UGGT2: variants seen among roughly 807,000 people sequenced by gnomAD.
The protein encoded by UGGT2 is UDP-glucose:glycoprotein glucosyltransferase 2.
In UGGT2, 180 loss-of-function variants were observed where a neutral mutation model predicts 192.1. The observed-to-expected ratio is 0.94, with a 90% CI of 0.83 to 1.06. UGGT2 has a LOEUF of 1.06. UGGT2 is among the 50% of genes least tolerant of loss of function. The probability of loss-of-function intolerance (pLI) is 0.00; values close to 1 mark genes in which losing one functional copy is unlikely to be tolerated. For missense variants in UGGT2, 1,849 were observed against 1,795.7 expected (o/e 1.03, Z -0.54); for synonymous variants, 580 against 591.0 (o/e 0.98, Z 0.27).
intron 38 of UGGT2, among the ~76,000 whole-genome samples, chr13:95,807,376 A>C (rs1387484623): frequency 6.6e-6 from 1 of 152,132 alleles, no homozygotes; most frequent in African/African-American, 2.4e-5. Context: ...AGGCACACTC[A>C]GTGTAACTTC....
At chr13:95,980,008 G>A (rs959761384) in intron 10 of UGGT2, among the ~76,000 whole-genome samples, 3 of 152,160 alleles carry the variant, frequency 2.0e-5, no homozygotes, top group African/African-American at 4.8e-5. Flanking sequence ...ATGTTGGCAC[G>A]GATGTGGTGA....
At chr13:95,822,169 C>T (rs1293959290) in intron 38 of UGGT2, among the ~76,000 whole-genome samples, 1 of 152,100 alleles carries the variant, frequency 6.6e-6, no homozygotes, top group Non-Finnish European at 1.5e-5. Flanking sequence ...GTCATTTTCA[C>T]AATATTGATT....
At chr13:95,923,232 A>C (rs1285903017) in intron 20 of UGGT2, among the ~76,000 whole-genome samples, 1 of 152,024 alleles carries the variant, frequency 6.6e-6, no homozygotes. Context: ...TTTTTAAAAA[A>C]ATTTTTTTTA....
At position 95,877,854 on chromosome 13, in the gene UGGT2, A is replaced by T; in HGVS notation, c.3231T>A (p.Thr1077=). The T allele has an allele frequency of 1.9e-6, 3 of 1,611,668 alleles. No homozygotes were observed. Among genetic ancestry groups the T allele is most frequent in the Non-Finnish European group, 2.5e-6 (3 of 1,179,156 alleles). ...CDLDNIHLKD[T]EKTVTAEYEL... is the part of the protein sequence containing the mutation. ...CATATTCTGCTGTAACAGTTTTCTCAGTCTGTGGAGGAAGTATGTCATTGT... is the reference window on the plus strand; with the variant it reads ...CATATTCTGCTGTAACAGTTTTCTCTGTCTGTGGAGGAAGTATGTCATTGT... Residue 1077 remains threonine (T), a splice_region_variant and synonymous_variant, in exon 28 of 39, where the codon ACT becomes ACA. Transcript: ENST00000376747.
chr13:95,990,145 G>C (rs1276495386), intron 7 of UGGT2, 72 bp from the exon 8 acceptor site: 15 of 883,092 alleles, frequency 1.7e-5, no homozygotes, highest in Non-Finnish European at 2.3e-5. Flanking sequence ...GCATATTTTT[G>C]AAATTACATA....
At chr13:95,921,631 T>G (rs1488686690) in intron 20 of UGGT2, among the ~76,000 whole-genome samples, 2 of 151,976 alleles carry the variant, frequency 1.3e-5, no homozygotes, top group East Asian at 3.9e-4. Flanking sequence ...AGCAAAGGAA[T>G]GGGCACTTCT....
At chr13:95,860,949 T>A in intron 31 of UGGT2, 66 bp from the exon 32 acceptor site, 1 of 851,018 alleles carries the variant, frequency 1.2e-6, no homozygotes, top group Non-Finnish European at 1.7e-6. Flanking sequence ...GCCTAAATAG[T>A]AAATATAAGC....
intron 5 of UGGT2, among the ~76,000 whole-genome samples, chr13:96,003,277 T>C (rs1463201802): frequency 2.0e-5 from 3 of 152,206 alleles, no homozygotes; most frequent in African/African-American, 4.8e-5. Flanking sequence ...ACAGTGAACC[T>C]GCATCATAAA....
intron 15 of UGGT2, among the ~76,000 whole-genome samples, chr13:95,941,334 C>A (rs2049672235): frequency 6.6e-6 from 1 of 152,136 alleles, no homozygotes; most frequent in Non-Finnish European, 1.5e-5. Context: ...AATTAGTATT[C>A]TTTGCTCTCC....
chr13:95,877,751 G>C lies in UGGT2; in HGVS notation c.3334C>G (p.Leu1112Val), dbSNP rs1349363918. Residue 1112 changes from leucine (L) to valine (V), a missense_variant, in exon 28 of 39, where the codon CTA becomes GTA. Leu to Val is a conservative substitution (Grantham distance 32). Coordinates refer to ENST00000376747, the MANE Select transcript of UGGT2 (RefSeq NM_020121.4). ...EQPPRGLQFT[L>V]GTKNKPAVVD... The stretch of plus-strand genomic sequence containing the variant: ...ACAGCAGGTTTATTTTTTGTGCCTA[G>C]TGTGAACTGCAGACCCCGAGGAGGC... The C allele has an allele frequency of 2.5e-6, 4 of 1,613,880 alleles. No individual in the cohort carries two copies. Among genetic ancestry groups the C allele is most frequent in the Non-Finnish European group, 3.4e-6 (4 of 1,179,976 alleles).
At chr13:95,838,614 C>T (rs969560849) in intron 36 of UGGT2, among the ~76,000 whole-genome samples, 1 of 152,054 alleles carries the variant, frequency 6.6e-6, no homozygotes, top group Non-Finnish European at 1.5e-5. Flanking sequence ...CAATGGAACA[C>T]AATAAAGAGC....
intron 2 of UGGT2, among the ~76,000 whole-genome samples, chr13:96,029,074 C>A (rs963194983): frequency 3.3e-5 from 5 of 152,004 alleles, no homozygotes; most frequent in South Asian, 2.1e-4. Flanking sequence ...TGGTGTGAAC[C>A]CAGGAGGCGG....
chr13:95,981,989 C>T (rs1232227026), intron 10 of UGGT2, among the ~76,000 whole-genome samples: 1 of 152,168 alleles, frequency 6.6e-6, no homozygotes. Flanking sequence ...AGTAGGTGAT[C>T]AAGAAGACTA....
intron 38 of UGGT2, among the ~76,000 whole-genome samples, chr13:95,805,853 A>G (rs1173074533): frequency 2.0e-5 from 3 of 152,122 alleles, no homozygotes; most frequent in Admixed American, 6.6e-5. Context: ...TTTCAAAACA[A>G]TGTGAATATA....
intron 12 of UGGT2, among the ~76,000 whole-genome samples, chr13:95,961,955 C>T (rs1249230772): frequency 2.0e-5 from 3 of 151,982 alleles, no homozygotes; most frequent in Non-Finnish European, 4.4e-5. Context: ...GCAATACAAA[C>T]ACATGGAAAT....
chr13:95,970,375 A>C, intron 11 of UGGT2, 113 bp from the exon 12 acceptor site: 1 of 888,000 alleles, frequency 1.1e-6, no homozygotes, highest in East Asian at 2.6e-5. Flanking sequence ...TATCTTCATT[A>C]ATAGCAGGAA....
chr13:95,907,130 C>T (rs1442393965), intron 20 of UGGT2, among the ~76,000 whole-genome samples: 1 of 152,212 alleles, frequency 6.6e-6, no homozygotes, highest in Non-Finnish European at 1.5e-5. Context: ...ACGGCAGGTC[C>T]CACACCCACG....
chr13:96,015,816 A>G (rs2052319197), intron 4 of UGGT2, among the ~76,000 whole-genome samples: 1 of 152,238 alleles, frequency 6.6e-6, no homozygotes, highest in Admixed American at 6.5e-5. Flanking sequence ...AGGAAGTTCA[A>G]TTAGATATTG....
intron 12 of UGGT2, among the ~76,000 whole-genome samples, chr13:95,953,314 C>T (rs569959740): frequency 3.3e-5 from 5 of 152,246 alleles, no homozygotes; most frequent in East Asian, 1.9e-4. Context: ...TTTAGTATTC[C>T]GTAAGAAAAA....
Sources: allele counts gnomAD v4.1 joint callset (sites outside exome capture counted in the v4.1 genomes callset), GRCh38; gene constraint gnomAD v4.1.1; transcripts MANE v1.5; gene names NCBI Gene and HGNC (gene_info 2026-07-23, HGNC 2026-07-21).